AK3: variants seen among roughly 807,000 people sequenced by gnomAD.
AK3 encodes GTP:AMP phosphotransferase AK3, mitochondrial.
AK3 carries 27 observed loss-of-function variants against 23.7 expected under a neutral mutation model. The ratio of observed to expected loss-of-function variants is 1.14; its 90% CI spans 0.84 to 1.57. The LOEUF is 1.57. AK3 is among the 40% of genes most tolerant of loss of function. The pLI, the probability that AK3 is intolerant of heterozygous loss-of-function variation, is 0.00. For missense variants in AK3, 406 were observed against 285.6 expected (o/e 1.42, Z -3.04); for synonymous variants, 159 against 116.0 (o/e 1.37, Z -2.38).
chr9:4,722,743 T>C (rs1841934069), intron 1 of AK3, 118 bp from the exon 2 acceptor site: 1 of 1,430,838 alleles, frequency 7.0e-7, no homozygotes, highest in Admixed American at 1.9e-5. Flanking sequence ...AAAATGTGCA[T>C]CATCAACTTT....
rs936647187 is a variant in AK3, at chr9:4,735,721, G to A, written c.151+5216C>T. ...TGACCTCAAATGATCCACCTTCCTC[G>A]GCCTCCCAAAGTGCTGAGATTACAG... On this transcript the variant is annotated intron_variant, in intron 1 of 4. Transcript: ENST00000381809. Among the ~76,000 whole-genome samples the A allele has an allele frequency of 1.5e-4, 22 of 149,716 alleles. No individual in the cohort carries two copies. The East Asian group carries it at 3.5e-3, about 24-fold the overall frequency.
intron 4 of AK3, among the ~76,000 whole-genome samples, chr9:4,715,216 C>CAAAAAAA (rs1237615381): frequency 1.9e-4 from 11 of 56,776 alleles, no homozygotes; most frequent in South Asian, 7.9e-4. Context: ...GACTCCGTCT[C>CAAAAAAA]AAAAAAAAAA....
chr9:4,718,232 A>T (rs979815599), intron 4 of AK3, among the ~76,000 whole-genome samples, 187 bp downstream of exon 4: 5 of 152,224 alleles, frequency 3.3e-5, no homozygotes, highest in African/African-American at 7.2e-5. Flanking sequence ...GATCAAACCC[A>T]GGTGTGACTG....
chr9:4,724,416 T>G (rs1841974619), intron 1 of AK3, among the ~76,000 whole-genome samples: 1 of 152,180 alleles, frequency 6.6e-6, no homozygotes, highest in Admixed American at 6.5e-5. Flanking sequence ...ATTAATAAAG[T>G]ACTTAATTTT....
chr9:4,733,051 G>C (rs1035324114), intron 1 of AK3, among the ~76,000 whole-genome samples: 2 of 151,650 alleles, frequency 1.3e-5, no homozygotes, highest in Non-Finnish European at 2.9e-5. Flanking sequence ...GTCTCACTAT[G>C]TTGCCCAGGC....
rs1563781318 is a variant in AK3, at chr9:4,714,175, T to TATAC, written c.564-1080_564-1079insGTAT. 2.6e-3 allele frequency among the ~76,000 whole-genome samples: 95 copies of TATAC among 35,938 alleles called. 3 individuals carry two copies. The highest frequency in any genetic ancestry group is 6.8e-3 in the African/African-American group (73 of 10,802). The allele number at this position is 35,938 out of a possible 152,430, so 23.6% of individuals were successfully genotyped here. A position where few individuals can be genotyped will look rare whatever the true frequency, so the allele number is the denominator to read the frequency against. On this transcript the variant is annotated intron_variant, in intron 4 of 4. Transcript: ENST00000381809. ...CTCCACATACACACACCTCCACACA[T>TATAC]ACGCCTCCACATACACACACCTCCA...
In AK3 at chr9:4,712,983, G is replaced by A; in HGVS notation, c.677C>T (p.Thr226Ile). Residue 226 changes from threonine (T) to isoleucine (I), a missense_variant, in exon 5 of 5, where the codon ACT becomes ATT. Physicochemically the swap from Thr to Ile is moderately conservative, Grantham distance 89. Transcript: ENST00000381809. Reference protein sequence around the residue: ...VPQRSQKASVTP With the variant: ...VPQRSQKASVIP ...AGTTACACACATTTCTCCTCATGGA[G>A]TAACTGAAGCTTTCTGGCTTCTTTG... 1 of 1,613,104 alleles carries A rather than the reference G, an allele frequency of 6.2e-7. No individual in the cohort carries two copies. The highest frequency in any genetic ancestry group is 8.5e-7 in the Non-Finnish European group (1 of 1,179,456).
rs1458620740 is a variant in AK3 at position 4,711,745 on chromosome 9, A to G, written c.*1231T>C. On this transcript the variant is annotated 3_prime_UTR_variant, in exon 5 of 5. Coordinates refer to ENST00000381809, the MANE Select transcript of AK3 (RefSeq NM_016282.4). Reference sequence around the variant, plus strand: ...CAGACCACACAGTACATCAGCAACCATCCTTTAGATTCCAATTTTTAAATG... The same window carrying G: ...CAGACCACACAGTACATCAGCAACCGTCCTTTAGATTCCAATTTTTAAATG... 1 of 152,172 alleles carries G rather than the reference A, an allele frequency of 6.6e-6. No homozygotes were observed. Among genetic ancestry groups the G allele is most frequent in the Non-Finnish European group, 1.5e-5 (1 of 68,030 alleles). The allele number at this position is 152,172 out of a possible 1,614,324, so 9.4% of individuals were successfully genotyped here. A position where few individuals can be genotyped will look rare whatever the true frequency, so the allele number is the denominator to read the frequency against.
chr9:4,739,900 CAAAAAGAA>C (rs1187296076), intron 1 of AK3, among the ~76,000 whole-genome samples: 1 of 151,128 alleles, frequency 6.6e-6, no homozygotes, highest in Non-Finnish European at 1.5e-5. Context: ...ACAAACAAAC[CAAAAAGAA>C]AAAAAGAAAA....
chr9:4,714,065 C>CGCCTACACGTAT (rs1841644923), intron 4 of AK3, among the ~76,000 whole-genome samples: 1 of 21,506 alleles, frequency 4.6e-5, no homozygotes, highest in African/African-American at 1.2e-4. Context: ...TACACATATA[C>CGCCTACACGTAT]ACACCTACAC....
In AK3 at chr9:4,722,664, G is replaced by T. The variant is rs916976792; in HGVS notation, c.152-39C>A. The stretch of plus-strand genomic sequence containing the variant: ...GGGAAAAAAATCAGTAAGTGCATTT[G>T]TTTTATCCCATTCCAGGCACCTCGG... On this transcript the variant is annotated intron_variant, in intron 1 of 4. Coordinates refer to ENST00000381809, the MANE Select transcript of AK3 (RefSeq NM_016282.4). The T allele has an allele frequency of 4.3e-6, 7 of 1,613,292 alleles. No homozygotes were observed. In the African/African-American group the frequency reaches 8.0e-5, roughly 18 times the overall value.
chr9:4,722,707 G>A (rs1841933100), intron 1 of AK3, 82 bp from the exon 2 acceptor site: 2 of 1,578,064 alleles, frequency 1.3e-6, no homozygotes, highest in Non-Finnish European at 1.7e-6. Context: ...TGCCTAAAGG[G>A]GAAGTCTGAA....
chr9:4,713,180 G>C lies in AK3; in HGVS notation c.564-84C>G, dbSNP rs371329382. On this transcript the variant is annotated intron_variant, in intron 4 of 4. Transcript: ENST00000381809. Reference sequence around the variant, plus strand: ...CTTTCAAAGCCTTTCTGTAAATAATGATATTGTAGATATAGGAGTCTTGGT... The same window carrying C: ...CTTTCAAAGCCTTTCTGTAAATAATCATATTGTAGATATAGGAGTCTTGGT... 376 of 1,508,698 alleles carry C rather than the reference G, an allele frequency of 2.5e-4. 3 individuals are homozygous for C. In the African/African-American group the frequency reaches 4.6e-3, roughly 18 times the overall value. 93.5% of individuals were successfully genotyped at this position (1,508,698 alleles called of 1,614,324 possible). A position where few individuals can be genotyped will look rare whatever the true frequency, so the allele number is the denominator to read the frequency against.
intron 4 of AK3, among the ~76,000 whole-genome samples, chr9:4,717,533 C>G (rs563276520): frequency 6.6e-6 from 1 of 152,184 alleles, no homozygotes; most frequent in Non-Finnish European, 1.5e-5. Context: ...GCCTCCCCAG[C>G]ATTCATTCCA....
intron 1 of AK3, among the ~76,000 whole-genome samples, chr9:4,724,253 C>A (rs747303180): frequency 2.0e-5 from 3 of 151,930 alleles, no homozygotes; most frequent in Non-Finnish European, 4.4e-5. Context: ...TCATCAACAG[C>A]ATTTGGAAAA....
intron 1 of AK3, among the ~76,000 whole-genome samples, chr9:4,728,624 C>T (rs1842072194): frequency 6.6e-6 from 1 of 152,034 alleles, no homozygotes; most frequent in Non-Finnish European, 1.5e-5. Context: ...GAAACTGTAA[C>T]CCTCATATAT....
intron 1 of AK3, among the ~76,000 whole-genome samples, chr9:4,728,390 G>A (rs140540710): frequency 1.3e-5 from 2 of 152,248 alleles, no homozygotes; most frequent in Admixed American, 6.5e-5. Context: ...GACCAAAATG[G>A]TGAAACCCTG....
At chr9:4,719,362 G>A in intron 2 of AK3, 55 bp from the exon 3 acceptor site, 2 of 962,480 alleles carry the variant, frequency 2.1e-6, no homozygotes, top group Admixed American at 3.0e-5. Flanking sequence ...GTATGGGGTG[G>A]GGGTGGGGCG....
chr9:4,718,362 C>T, intron 4 of AK3, 57 bp downstream of exon 4: 1 of 1,343,090 alleles, frequency 7.4e-7, no homozygotes, highest in Non-Finnish European at 1.1e-6. Context: ...GAAGGAAAAT[C>T]AAAACTAGAC....
Sources: allele counts gnomAD v4.1 joint callset (sites outside exome capture counted in the v4.1 genomes callset), GRCh38; gene constraint gnomAD v4.1.1; transcripts MANE v1.5; gene names NCBI Gene and HGNC (gene_info 2026-07-23, HGNC 2026-07-21).